The following SGSM1 variants were observed in gnomAD, a reference collection of about 807,000 sequenced individuals.
SGSM1 encodes the protein small G protein signaling modulator 1.
A neutral mutation model predicts 133.8 loss-of-function variants in SGSM1; 73 were observed. The ratio of observed to expected loss-of-function variants is 0.55; its 90% CI spans 0.45 to 0.66. The LOEUF is 0.66. Ranked by LOEUF, SGSM1 falls within the 30% of genes least tolerant of loss-of-function variation. The pLI, the probability that SGSM1 is intolerant of heterozygous loss-of-function variation, is 0.00. For missense variants in SGSM1, 1,213 were observed against 1,448.1 expected (o/e 0.84, Z 2.64); for synonymous variants, 563 against 573.0 (o/e 0.98, Z 0.25).
chr22:24,859,861 C>G (rs755134523), intron 9 of SGSM1, 21 bp downstream of exon 9: 4 of 1,612,818 alleles, frequency 2.5e-6, no homozygotes, highest in South Asian at 2.2e-5. Context: ...GGGTCTGATA[C>G]GTATCCCTTG....
chr22:24,905,190 G>A lies in SGSM1; in HGVS notation c.2818+3G>A. On this transcript the variant is annotated splice_donor_region_variant and intron_variant, in intron 21 of 24. Transcript: ENST00000400358. ...ACTGCTGGTCATTCTGGATGATGGT[G>A]AGTGTGTCTTTACTGCCCTAGGGCT... 1 of 1,613,822 alleles carries A rather than the reference G, an allele frequency of 6.2e-7. No individual in the cohort carries two copies. The highest frequency in any genetic ancestry group is 8.5e-7 in the Non-Finnish European group (1 of 1,179,706).
chr22:24,886,911 T>C (rs1235931559), intron 16 of SGSM1, among the ~76,000 whole-genome samples, 183 bp downstream of exon 16: 1 of 152,168 alleles, frequency 6.6e-6, no homozygotes, highest in Non-Finnish European at 1.5e-5. Context: ...ATTTTTACGT[T>C]TTTAAATTTT....
intron 3 of SGSM1, among the ~76,000 whole-genome samples, chr22:24,845,285 G>A (rs1930033048): frequency 1.3e-5 from 2 of 152,120 alleles, no homozygotes; most frequent in African/African-American, 4.8e-5. Flanking sequence ...CACTCTGCCT[G>A]TGGCTATTGC....
At chr22:24,886,869 C>G in intron 16 of SGSM1, 141 bp downstream of exon 16, 1 of 1,139,522 alleles carries the variant, frequency 8.8e-7, no homozygotes, top group South Asian at 2.0e-5. Context: ...GCGGCGCTGT[C>G]CAATAGAAAC....
At position 24,901,830 on chromosome 22, in the gene SGSM1, T is replaced by C; in HGVS notation, c.2611-3T>C. On this transcript the variant is annotated splice_polypyrimidine_tract_variant and splice_region_variant and intron_variant, in intron 19 of 24. Transcript: ENST00000400358. ...CCCTACCCCCTGCCCCGATGGCCTA[T>C]AGCCAGAGCTGCTGGATCTGTACAC... 3.1e-6 allele frequency: 5 copies of C among 1,612,854 alleles called. No individual in the cohort carries two copies. The highest frequency in any genetic ancestry group is 4.2e-6 in the Non-Finnish European group (5 of 1,179,512).
rs747306730 is a variant in SGSM1 at position 24,924,306 on chromosome 22, C to T, written c.*32C>T. 8 of 1,583,880 alleles carry T rather than the reference C, an allele frequency of 5.1e-6. No individual in the cohort carries two copies. In the South Asian group the frequency reaches 8.9e-5, roughly 18 times the overall value. ...CCTCACCCCGGCAGCCTCAGCCAAGCTGCCCCTGCCCCGCTCCTCTGCTTA... is the reference window on the plus strand; with the variant it reads ...CCTCACCCCGGCAGCCTCAGCCAAGTTGCCCCTGCCCCGCTCCTCTGCTTA... On this transcript the variant is annotated 3_prime_UTR_variant, in exon 25 of 25. Transcript: ENST00000400358.
At chr22:24,846,427 G>GT (rs1168433917) in intron 3 of SGSM1, among the ~76,000 whole-genome samples, 2 of 151,874 alleles carry the variant, frequency 1.3e-5, no homozygotes, top group East Asian at 3.9e-4. Context: ...TGTATTCCCA[G>GT]TTTTTTATGT....
intron 9 of SGSM1, among the ~76,000 whole-genome samples, chr22:24,862,619 C>T (rs1333593140): frequency 6.6e-6 from 1 of 152,204 alleles, no homozygotes; most frequent in Non-Finnish European, 1.5e-5. Context: ...TGGATGTTTA[C>T]TGAGCCCCTA....
intron 2 of SGSM1, among the ~76,000 whole-genome samples, chr22:24,825,066 T>G (rs968345288): frequency 6.6e-6 from 1 of 152,112 alleles, no homozygotes; most frequent in Admixed American, 6.6e-5. Flanking sequence ...TTATCCCAGC[T>G]TAGGGGATGG....
chr22:24,899,818 G>A (rs1014812815), intron 19 of SGSM1, among the ~76,000 whole-genome samples: 4 of 152,088 alleles, frequency 2.6e-5, no homozygotes, highest in African/African-American at 9.7e-5. Context: ...TCCATGCCTA[G>A]CTTGCTTCTC....
At chr22:24,811,430 G>A (rs1050680015) in intron 2 of SGSM1, among the ~76,000 whole-genome samples, 2 of 152,020 alleles carry the variant, frequency 1.3e-5, no homozygotes, top group East Asian at 1.9e-4. Context: ...GTCTAAAGCC[G>A]GGGTGGGGGT....
intron 3 of SGSM1, 34 bp from the exon 4 acceptor site, chr22:24,847,600 A>T (rs1184988046): frequency 1.2e-6 from 2 of 1,604,412 alleles, no homozygotes; most frequent in Non-Finnish European, 1.7e-6. Flanking sequence ...GTGCATGGGC[A>T]GGGCAGGGTC....
intron 2 of SGSM1, among the ~76,000 whole-genome samples, chr22:24,807,722 G>A (rs1415115384): frequency 3.3e-5 from 5 of 152,020 alleles, no homozygotes; most frequent in African/African-American, 4.8e-5. Context: ...GTGTGTACAT[G>A]CGTGCATGTG....
rs189433067 is a variant in SGSM1 at position 24,829,121 on chromosome 22, G to A, written c.64-15776G>A. Among the ~76,000 whole-genome samples the A allele has an allele frequency of 3.1e-3, 465 of 152,158 alleles. 3 individuals are homozygous for A. The highest frequency in any genetic ancestry group is 0.011 in the African/African-American group (444 of 41,512). ...TGAGGCAGGAGAATGGCGTGAACCCGGGAGGTGGAGCTTGCAGGGAGCCGA... is the reference window on the plus strand; with the variant it reads ...TGAGGCAGGAGAATGGCGTGAACCCAGGAGGTGGAGCTTGCAGGGAGCCGA... On this transcript the variant is annotated intron_variant, in intron 2 of 24. Coordinates refer to ENST00000400358, the MANE Select transcript of SGSM1 (RefSeq NM_001098497.3).
chr22:24,891,077 A>G (rs1255208876), intron 16 of SGSM1, among the ~76,000 whole-genome samples: 1 of 152,358 alleles, frequency 6.6e-6, no homozygotes. Context: ...TAGCCTGCCT[A>G]AGGCCTGCCG....
intron 5 of SGSM1, among the ~76,000 whole-genome samples, chr22:24,851,860 A>G (rs1212657053): frequency 2.6e-5 from 4 of 152,196 alleles, no homozygotes; most frequent in African/African-American, 9.6e-5. Context: ...AGAGGCCTAG[A>G]GACAGGAAAG....
In SGSM1 at chr22:24,855,417, G is replaced by A. The variant is rs1486520994; in HGVS notation, c.656G>A (p.Arg219His). ...GTGCGGCAGGACTCGCCCACCAAGCGTCCTGCCCTCTGTGTGAGTGGGGTG... is the reference window on the plus strand; with the variant it reads ...GTGCGGCAGGACTCGCCCACCAAGCATCCTGCCCTCTGTGTGAGTGGGGTG... Reference protein sequence around the residue: ...SHVRQDSPTKRPALCIQKRHS... With the variant: ...SHVRQDSPTKHPALCIQKRHS... Residue 219 changes from arginine to histidine, a missense_variant, in exon 7 of 25, where the codon CGT becomes CAT. By Grantham distance (29) the Arg-to-His change is conservative. Transcript: ENST00000400358. The A allele has an allele frequency of 3.1e-6, 5 of 1,613,500 alleles. No individual in the cohort carries two copies. The highest frequency in any genetic ancestry group is 2.2e-5 in the South Asian group (2 of 91,030).
chr22:24,841,071 C>T (rs907341701), intron 2 of SGSM1, among the ~76,000 whole-genome samples: 56 of 151,902 alleles, frequency 3.7e-4, no homozygotes, highest in East Asian at 1.8e-3. Context: ...AAGATGGTCT[C>T]GATCTCCTGA....
intron 2 of SGSM1, chr22:24,844,671 T>C: frequency 1.9e-6 from 1 of 538,188 alleles, no homozygotes; most frequent in Non-Finnish European, 3.3e-6. Flanking sequence ...CAGCCTGCTG[T>C]GTGAAGAACC....
Sources: allele counts gnomAD v4.1 joint callset (sites outside exome capture counted in the v4.1 genomes callset), GRCh38; gene constraint gnomAD v4.1.1; transcripts MANE v1.5; gene names NCBI Gene and HGNC (gene_info 2026-07-23, HGNC 2026-07-21).